SLAIN2: variants seen among roughly 807,000 people sequenced by gnomAD.
SLAIN2 encodes SLAIN motif-containing protein 2.
SLAIN2 carries 31 observed loss-of-function variants against 56.6 expected under a neutral mutation model. The ratio of observed to expected loss-of-function variants is 0.55; its 90% CI spans 0.41 to 0.74. The LOEUF (loss-of-function observed/expected upper bound fraction) is 0.74. Among genes scored for constraint, SLAIN2 ranks in the 30% least tolerant of loss-of-function variants. SLAIN2 has a pLI of 0.00. For missense variants in SLAIN2, 777 were observed against 754.2 expected, an observed-to-expected ratio of 1.03 and a Z score of -0.35; for synonymous variants, 317 against 284.9, an observed-to-expected ratio of 1.11 and a Z score of -1.13.
chr4:48,388,133 T>C (rs1199423192), intron 6 of SLAIN2, among the ~76,000 whole-genome samples: 5 of 152,198 alleles, frequency 3.3e-5, no homozygotes, highest in Non-Finnish European at 1.5e-5. Flanking sequence ...TTGCTGTGGC[T>C]GCATTATTGT....
At chr4:48,367,895 A>C (rs1272667519) in intron 1 of SLAIN2, among the ~76,000 whole-genome samples, 2 of 152,066 alleles carry the variant, frequency 1.3e-5, no homozygotes, top group Non-Finnish European at 2.9e-5. Context: ...ATTTTAGAAC[A>C]TCTATATCAC....
At position 48,375,911 on chromosome 4, in the gene SLAIN2, C is replaced by T. The variant is rs73814736; in HGVS notation, c.539-1985C>T. On this transcript the variant is annotated intron_variant, in intron 2 of 7. Coordinates refer to ENST00000264313, the MANE Select transcript of SLAIN2 (RefSeq NM_020846.2). ...CTCTCAAGACTGCTTCAATGCCTCTCCTTCCAAAAAGCCTTACCCAGTTTC... is the reference window on the plus strand; with the variant it reads ...CTCTCAAGACTGCTTCAATGCCTCTTCTTCCAAAAAGCCTTACCCAGTTTC... 9.6e-3 allele frequency among the ~76,000 whole-genome samples: 1,459 copies of T among 152,314 alleles called. 21 individuals are homozygous for T. The highest frequency in any genetic ancestry group is 0.033 in the African/African-American group (1,386 of 41,548).
chr4:48,352,396 AAAT>A (rs984435475), intron 1 of SLAIN2, among the ~76,000 whole-genome samples: 1 of 152,220 alleles, frequency 6.6e-6, no homozygotes, highest in African/African-American at 2.4e-5. Context: ...CCTATGAAGG[AAAT>A]AATAGATATC....
chr4:48,386,792 C>T (rs752470980), intron 6 of SLAIN2, among the ~76,000 whole-genome samples: 31 of 152,094 alleles, frequency 2.0e-4, no homozygotes, highest in Non-Finnish European at 7.4e-5. Flanking sequence ...ATTAATTTGA[C>T]ACTTGAGAAT....
chr4:48,342,773 T>C (rs1714756157), intron 1 of SLAIN2, among the ~76,000 whole-genome samples: 1 of 127,756 alleles, frequency 7.8e-6, no homozygotes, highest in South Asian at 2.8e-4. Flanking sequence ...GAACGAGCCC[T>C]GGCTCTTATT....
At chr4:48,412,897 T>C (rs1318917337) in intron 6 of SLAIN2, among the ~76,000 whole-genome samples, 1 of 152,054 alleles carries the variant, frequency 6.6e-6, no homozygotes, top group East Asian at 1.9e-4. Context: ...ACCCCACAAA[T>C]AAACTTTCTG....
intron 5 of SLAIN2, among the ~76,000 whole-genome samples, chr4:48,383,431 A>C (rs1716021502): frequency 6.6e-6 from 1 of 151,940 alleles, no homozygotes; most frequent in Non-Finnish European, 1.5e-5. Flanking sequence ...TTAAATATAA[A>C]ATTTGTGGTT....
intron 2 of SLAIN2, among the ~76,000 whole-genome samples, chr4:48,370,247 C>A (rs1201967609): frequency 1.3e-5 from 2 of 152,044 alleles, no homozygotes; most frequent in Non-Finnish European, 2.9e-5. Context: ...TAATGAATTT[C>A]GTATGATAAG....
intron 3 of SLAIN2, among the ~76,000 whole-genome samples, chr4:48,378,268 A>G (rs1352620296): frequency 1.3e-5 from 2 of 152,116 alleles, no homozygotes; most frequent in Non-Finnish European, 2.9e-5. Flanking sequence ...AAATACATAA[A>G]ATTTTCTTTA....
intron 6 of SLAIN2, among the ~76,000 whole-genome samples, chr4:48,400,431 C>G (rs1374052549): frequency 8.0e-6 from 1 of 124,662 alleles, no homozygotes; most frequent in Non-Finnish European, 1.6e-5. Context: ...GAGTCTTGCT[C>G]TGTCGCCCAG....
chr4:48,382,694 A>C lies in SLAIN2; in HGVS notation c.989A>C (p.Asn330Thr), dbSNP rs370065842. Residue 330 changes from asparagine (N) to threonine (T), a missense_variant, in exon 5 of 8, where the codon AAT (asparagine) becomes ACT (threonine). Asn to Thr is a moderately conservative substitution (Grantham distance 65, BLOSUM62 0). Coordinates refer to ENST00000264313, the MANE Select transcript of SLAIN2 (RefSeq NM_020846.2). ...DAQSLDDEDD[N>T]MHHAVYPAVN... is the part of the protein sequence containing the mutation. Reference sequence around the variant, plus strand: ...CAAAGTTTAGATGATGAAGATGACAATATGCATCATGCAGTATACCCTGCT... The same window carrying C: ...CAAAGTTTAGATGATGAAGATGACACTATGCATCATGCAGTATACCCTGCT... 2 of 1,613,754 alleles carry C rather than the reference A, an allele frequency of 1.2e-6. No homozygotes were observed. The highest frequency in any genetic ancestry group is 1.7e-6 in the Non-Finnish European group (2 of 1,179,874).
At chr4:48,412,286 A>G (rs1267930823) in intron 6 of SLAIN2, among the ~76,000 whole-genome samples, 1 of 151,766 alleles carries the variant, frequency 6.6e-6, no homozygotes, top group East Asian at 1.9e-4. Context: ...AAATGTGGCT[A>G]TTTTGTTAAA....
chr4:48,370,068 T>A (rs1466631), intron 2 of SLAIN2, 71 bp downstream of exon 2: 1 of 1,461,820 alleles, frequency 6.8e-7, no homozygotes, highest in East Asian at 2.3e-5. Context: ...ATATTGAGCA[T>A]TGTGTTTTTA....
chr4:48,383,601 C>A, intron 5 of SLAIN2, 46 bp from the exon 6 acceptor site: 1 of 1,424,930 alleles, frequency 7.0e-7, no homozygotes, highest in East Asian at 2.5e-5. Context: ...TTAATTTTCT[C>A]CATCTGAAAG....
intron 1 of SLAIN2, among the ~76,000 whole-genome samples, chr4:48,357,706 C>A (rs1437757686): frequency 2.6e-5 from 4 of 152,184 alleles, no homozygotes; most frequent in Non-Finnish European, 4.4e-5. Flanking sequence ...CAGGCATGCA[C>A]CACCACGCCC....
At chr4:48,371,956 CAAACAA>C (rs1715675926) in intron 2 of SLAIN2, among the ~76,000 whole-genome samples, 1 of 142,086 alleles carries the variant, frequency 7.0e-6, no homozygotes, top group Admixed American at 7.3e-5. Context: ...CAAAACAAAA[CAAACAA>C]AAAGTATATA....
chr4:48,389,221 C>G (rs997482639), intron 6 of SLAIN2, among the ~76,000 whole-genome samples: 10 of 152,180 alleles, frequency 6.6e-5, no homozygotes, highest in African/African-American at 2.4e-4. Context: ...CACAAGGACA[C>G]TTTATAAAGG....
In SLAIN2 at chr4:48,374,093, G is replaced by C. The variant is rs562784071; in HGVS notation, c.539-3803G>C. On this transcript the variant is annotated intron_variant, in intron 2 of 7. Coordinates refer to ENST00000264313, the MANE Select transcript of SLAIN2 (RefSeq NM_020846.2). The stretch of plus-strand genomic sequence containing the variant: ...GATAAAAAGAAAGGCATGTGCAAAG[G>C]CTCCATGTGGGATGAAGCATGACAT... Among the ~76,000 whole-genome samples, 62 of 152,236 alleles carry C rather than the reference G, an allele frequency of 4.1e-4. 1 individual carries two copies. In the South Asian group the frequency reaches 0.012, roughly 31 times the overall value.
chr4:48,369,082 G>A (rs1299956254), intron 1 of SLAIN2, among the ~76,000 whole-genome samples: 2 of 152,104 alleles, frequency 1.3e-5, no homozygotes. Context: ...TCCATTTAAA[G>A]TGTCTTATTT....
Sources: allele counts gnomAD v4.1 joint callset (sites outside exome capture counted in the v4.1 genomes callset), GRCh38; gene constraint gnomAD v4.1.1; transcripts MANE v1.5; gene names NCBI Gene and HGNC (gene_info 2026-07-23, HGNC 2026-07-21).